Variants in MISP observed in about 807,000 individuals in gnomAD.
The protein encoded by MISP is mitotic interactor and substrate of PLK1.
A neutral mutation model predicts 49.3 loss-of-function variants in MISP; 51 were observed. That is an observed-to-expected ratio of 1.03 (90% CI 0.83 to 1.31). The LOEUF is 1.31. Among genes scored for constraint, MISP ranks in the 50% most tolerant of loss-of-function variants. MISP has a pLI of 0.00. For synonymous variants in MISP, 444 were observed against 392.6 expected (o/e 1.13, Z -1.55); for missense variants, 1,084 against 935.1 (o/e 1.16, Z -2.08).
In MISP at chr19:758,337, C is replaced by A. The variant is rs781240965; in HGVS notation, c.1391C>A (p.Thr464Lys). Residue 464 changes from threonine to lysine, a missense_variant, in exon 2 of 5, where the codon ACG becomes AAG. Thr to Lys is a moderately conservative substitution (Grantham distance 78, BLOSUM62 -1). Transcript: ENST00000215582. ...AAGGCTGCGACTTCACCAAAGGCCA[C>A]GATGTCCCCGAGGCATCTCTCAGAA... Reference protein sequence around the residue: ...EAKAATSPKATMSPRHLSESS... With the variant: ...EAKAATSPKAKMSPRHLSESS... The A allele has an allele frequency of 6.2e-7, 1 of 1,614,028 alleles. No homozygotes were observed. Among genetic ancestry groups the A allele is most frequent in the African/African-American group, 1.3e-5 (1 of 74,946 alleles).
At chr19:750,915 G>A (rs1319139763), upstream of MISP, among the ~76,000 whole-genome samples, 1 of 152,196 alleles carries the variant, frequency 6.6e-6, no homozygotes, top group East Asian at 1.9e-4. Flanking sequence ...CCACCTGGAG[G>A]CCCTGGGGGT....
chr19:759,402 T>TG (rs1279866758), intron 2 of MISP, among the ~76,000 whole-genome samples: 2 of 121,138 alleles, frequency 1.7e-5, no homozygotes, highest in African/African-American at 7.1e-5. Context: ...TTTTAATGTT[T>TG]TTTTTTTTTT....
chr19:753,310 C>T (rs1481828009), intron 1 of MISP, among the ~76,000 whole-genome samples: 3 of 152,110 alleles, frequency 2.0e-5, no homozygotes, highest in East Asian at 3.8e-4. Context: ...CGGCTCCCCA[C>T]GGTCTCTCCA....
intron 1 of MISP, among the ~76,000 whole-genome samples, chr19:754,157 C>T (rs920196034): frequency 6.6e-6 from 1 of 151,284 alleles, no homozygotes; most frequent in African/African-American, 2.4e-5. Context: ...TCTCTACTAA[C>T]AATACAAAAA....
upstream of MISP, among the ~76,000 whole-genome samples, chr19:749,629 G>A (rs763821513): frequency 2.0e-5 from 3 of 152,174 alleles, no homozygotes; most frequent in East Asian, 1.9e-4. Context: ...TCAGGAGTTC[G>A]AGACCAGCCT....
At position 763,525 on chromosome 19, in the gene MISP, C is replaced by T. The variant is rs766597357; in HGVS notation, c.1975C>T (p.Arg659Cys). The change falls in exon 5 of 5, where the codon CGT becomes TGT. Residue 659 changes from arginine to cysteine, a missense_variant. Transcript: ENST00000215582. Reference sequence around the variant, plus strand: ...GGTCCTGGAAGCCATACGGGTGACCCGTCACAAGAACGCCATGGCAGAGCG... The same window carrying T: ...GGTCCTGGAAGCCATACGGGTGACCTGTCACAAGAACGCCATGGCAGAGCG... ...SEVLEAIRVTRHKNAMAERWE... is the reference protein window; with the variant it reads ...SEVLEAIRVTCHKNAMAERWE... 16 of 1,613,878 alleles carry T rather than the reference C, an allele frequency of 9.9e-6. No homozygotes were observed. The highest frequency in any genetic ancestry group is 9.3e-5 in the African/African-American group (7 of 74,888).
chr19:758,063 G>A lies in MISP; in HGVS notation c.1117G>A (p.Gly373Ser), dbSNP rs375556475. Residue 373 changes from glycine (G) to serine (S), a missense_variant, in exon 2 of 5, where the codon GGC (glycine) becomes AGC (serine). Gly to Ser is a moderately conservative substitution (Grantham distance 56). Coordinates refer to ENST00000215582, the MANE Select transcript of MISP (RefSeq NM_173481.4). ...EDHRREGLHV[G>S]RASTPDWVSE... is the part of the protein sequence containing the mutation. ...CCACCGGCGGGAGGGCCTGCACGTG[G>A]GCCGGGCGTCCACACCCGACTGGGT... 2 of 1,568,426 alleles carry A rather than the reference G, an allele frequency of 1.3e-6. No individual in the cohort carries two copies. Among genetic ancestry groups the A allele is most frequent in the East Asian group, 2.3e-5 (1 of 44,252 alleles).
rs2033711063 is a variant in MISP, at chr19:763,669, C to G, written c.*79C>G. On this transcript the variant is annotated 3_prime_UTR_variant, in exon 5 of 5. Transcript: ENST00000215582. ...CCAAGACCATCGCCAAGCCCCCACCCTAGGAAATGGGTCCTAGGTCCAGGA... is the reference window on the plus strand; with the variant it reads ...CCAAGACCATCGCCAAGCCCCCACCGTAGGAAATGGGTCCTAGGTCCAGGA... 9.9e-7 allele frequency: 1 copy of G among 1,009,568 alleles called. No homozygotes were observed. The highest frequency in any genetic ancestry group is 1.5e-6 in the Non-Finnish European group (1 of 658,262). 62.5% of individuals were successfully genotyped at this position (1,009,568 alleles called of 1,614,324 possible).
rs751510985 is a variant in MISP at position 758,616 on chromosome 19, G to A, written c.1670G>A (p.Arg557Gln). Residue 557 changes from arginine to glutamine, a missense_variant, in exon 2 of 5, where the codon CGG becomes CAG. Coordinates refer to ENST00000215582, the MANE Select transcript of MISP (RefSeq NM_173481.4). ...LERERESVLR[R>Q]EQEVAEERRN... is the part of the protein sequence containing the mutation. ...AGGGAGAGGGAGAGTGTCCTGCGCC[G>A]GGAGCAAGAGGTGGCAGAGGAGCGG... 4.5e-5 allele frequency: 73 copies of A among 1,614,104 alleles called. No homozygotes were observed. The highest frequency in any genetic ancestry group is 5.3e-5 in the African/African-American group (4 of 74,934).
chr19:759,778 T>C lies in MISP; in HGVS notation c.1781-131T>C, dbSNP rs1217182713. The C allele has an allele frequency of 2.9e-6, 3 of 1,042,082 alleles. No individual in the cohort carries two copies. In the East Asian group the frequency reaches 7.9e-5, roughly 27 times the overall value. The allele number at this position is 1,042,082 out of a possible 1,614,324, so 64.6% of individuals were successfully genotyped here. On this transcript the variant is annotated intron_variant, in intron 2 of 4. Transcript: ENST00000215582. ...CTGACTGGCTACTTTGGTCAATCTG[T>C]CAGTTTCCCGGATAGTCATCTGCTC... is the stretch of plus-strand genomic sequence containing the variant.
chr19:749,159 C>T (rs1219805643), upstream of MISP, among the ~76,000 whole-genome samples: 1 of 152,106 alleles, frequency 6.6e-6, no homozygotes, highest in Admixed American at 6.5e-5. Context: ...AATAGGCCTT[C>T]GGAGCCCTGA....
At position 754,671 on chromosome 19, in the gene MISP, G is replaced by A. The variant is rs548381103; in HGVS notation, c.-57-2219G>A. 3.9e-5 allele frequency among the ~76,000 whole-genome samples: 6 copies of A among 152,328 alleles called. No homozygotes were observed. The South Asian group carries it at 1.2e-3, about 32-fold the overall frequency. ...AAGACGGGTGCTGGGTACAAGGCCTGACATGAAGGAGGTGTTCAGATGATG... is the reference window on the plus strand; with the variant it reads ...AAGACGGGTGCTGGGTACAAGGCCTAACATGAAGGAGGTGTTCAGATGATG... On this transcript the variant is annotated intron_variant, in intron 1 of 4. Coordinates refer to ENST00000215582, the MANE Select transcript of MISP (RefSeq NM_173481.4).
chr19:750,200 T>C (rs2033439286), upstream of MISP, among the ~76,000 whole-genome samples: 1 of 41,456 alleles, frequency 2.4e-5, no homozygotes, highest in Admixed American at 1.9e-4. Context: ...TTTTTTTTTT[T>C]TTTTTTTTTT....
At chr19:750,135 C>T (rs1020980475), upstream of MISP, among the ~76,000 whole-genome samples, 2 of 151,378 alleles carry the variant, frequency 1.3e-5, no homozygotes, top group African/African-American at 4.9e-5. Context: ...CTGAGGGCCT[C>T]TGCGTCCCCA....
At position 758,614 on chromosome 19, in the gene MISP, C is replaced by T. The variant is rs763057798; in HGVS notation, c.1668C>T (p.Arg556=). ...LLERERESVL[R]REQEVAEERR... ...AAAGGGAGAGGGAGAGTGTCCTGCG[C>T]CGGGAGCAAGAGGTGGCAGAGGAGC... Residue 556 remains arginine, a synonymous_variant, in exon 2 of 5, where the codon CGC becomes CGT. Transcript: ENST00000215582. 3 of 1,614,226 alleles carry T rather than the reference C, an allele frequency of 1.9e-6. No homozygotes were observed. The highest frequency in any genetic ancestry group is 1.1e-5 in the South Asian group (1 of 91,088).
chr19:758,562 A>G lies in MISP; in HGVS notation c.1616A>G (p.Gln539Arg), dbSNP rs781201506. 1.9e-6 allele frequency: 3 copies of G among 1,614,212 alleles called. No individual in the cohort carries two copies. The highest frequency in any genetic ancestry group is 2.5e-6 in the Non-Finnish European group (3 of 1,180,022). Reference sequence around the variant, plus strand: ...GCTGGGGCCCCTGCACTGAGGCTGCAGAAGTCCCAGTCATCTGATCTGCTG... The same window carrying G: ...GCTGGGGCCCCTGCACTGAGGCTGCGGAAGTCCCAGTCATCTGATCTGCTG... Reference protein sequence around the residue: ...EVAGAPALRLQKSQSSDLLER... With the variant: ...EVAGAPALRLRKSQSSDLLER... Residue 539 changes from glutamine (Q) to arginine (R), a missense_variant, in exon 2 of 5, where the codon CAG (glutamine) becomes CGG (arginine). Physicochemically the swap from Gln to Arg is conservative, Grantham distance 43. Coordinates refer to ENST00000215582, the MANE Select transcript of MISP (RefSeq NM_173481.4).
At chr19:756,217 C>T (rs1275079855) in intron 1 of MISP, among the ~76,000 whole-genome samples, 10 of 152,174 alleles carry the variant, frequency 6.6e-5, no homozygotes, top group Admixed American at 3.3e-4. Context: ...TTCCATCAGC[C>T]TAACAAGACC....
intron 4 of MISP, among the ~76,000 whole-genome samples, chr19:762,327 A>G (rs1375880954): frequency 1.3e-5 from 2 of 151,130 alleles, no homozygotes; most frequent in Non-Finnish European, 2.9e-5. Flanking sequence ...ACCTCGGCTC[A>G]CTGCAACTTC....
chr19:756,539 G>A (rs574690297), intron 1 of MISP, among the ~76,000 whole-genome samples: 31 of 152,236 alleles, frequency 2.0e-4, no homozygotes, highest in South Asian at 1.0e-3. Context: ...AGGCCAGAAG[G>A]TGGGATGCTC....
Sources: allele counts gnomAD v4.1 joint callset (sites outside exome capture counted in the v4.1 genomes callset), GRCh38; gene constraint gnomAD v4.1.1; transcripts MANE v1.5; gene names NCBI Gene and HGNC (gene_info 2026-07-23, HGNC 2026-07-21).